Variants in LRP1B observed in about 807,000 individuals in gnomAD.
LRP1B encodes the protein low-density lipoprotein receptor-related protein 1B.
A neutral mutation model predicts 556.6 loss-of-function variants in LRP1B; 217 were observed. The ratio of observed to expected loss-of-function variants is 0.39; its 90% CI spans 0.35 to 0.44. The LOEUF (loss-of-function observed/expected upper bound fraction) is 0.44. LRP1B is among the 20% of genes least tolerant of loss of function. LRP1B has a pLI of 1.00. For synonymous variants in LRP1B, 2,047 were observed against 1,865.8 expected, an observed-to-expected ratio of 1.10 and a Z score of -2.50; for missense variants, 5,053 against 5,620.8, an observed-to-expected ratio of 0.90 and a Z score of 3.23.
intron 2 of LRP1B, among the ~76,000 whole-genome samples, chr2:141,690,469 G>A (rs1303984631): frequency 7.6e-6 from 1 of 132,218 alleles, no homozygotes; most frequent in Non-Finnish European, 1.6e-5. Flanking sequence ...ATTAGTCATG[G>A]AGGACTCTTT....
At chr2:141,493,337 C>G (rs186688283) in intron 2 of LRP1B, among the ~76,000 whole-genome samples, 2 of 152,194 alleles carry the variant, frequency 1.3e-5, no homozygotes, top group East Asian at 3.9e-4. Context: ...ATGGAAGAAT[C>G]TTGAGGAAAA....
chr2:140,623,956 G>GTGTATATATA (rs1339496296), intron 41 of LRP1B, among the ~76,000 whole-genome samples: 3 of 106,436 alleles, frequency 2.8e-5, no homozygotes, highest in African/African-American at 1.0e-4. Flanking sequence ...TTTTATTTAT[G>GTGTATATATA]TATATATATA....
intron 3 of LRP1B, among the ~76,000 whole-genome samples, chr2:141,468,470 C>T (rs1682328526): frequency 6.6e-6 from 1 of 152,128 alleles, no homozygotes. Context: ...TCTATACACA[C>T]AGTCTATATA....
At chr2:142,007,787 A>G (rs1009633955) in intron 1 of LRP1B, among the ~76,000 whole-genome samples, 1 of 152,184 alleles carries the variant, frequency 6.6e-6, no homozygotes, top group South Asian at 2.1e-4. Flanking sequence ...TAGCTTTGCT[A>G]TCAAACAGAC....
At chr2:141,786,736 A>G (rs1191205895) in intron 2 of LRP1B, among the ~76,000 whole-genome samples, 1 of 151,920 alleles carries the variant, frequency 6.6e-6, no homozygotes, top group African/African-American at 2.4e-5. Flanking sequence ...CAAAAAAAGC[A>G]CGGAACCTCT....
At chr2:142,114,320 T>G (rs1228134681) in intron 1 of LRP1B, among the ~76,000 whole-genome samples, 1 of 152,148 alleles carries the variant, frequency 6.6e-6, no homozygotes, top group Non-Finnish European at 1.5e-5. Flanking sequence ...GAAGTAATCA[T>G]AGTAATTCAG....
chr2:141,880,899 C>T (rs1698938073), intron 1 of LRP1B, among the ~76,000 whole-genome samples: 2 of 151,916 alleles, frequency 1.3e-5, no homozygotes, highest in South Asian at 4.1e-4. Flanking sequence ...TCAGGTCAGT[C>T]TGAACAGACT....
At chr2:141,135,588 T>C (rs1005321872) in intron 7 of LRP1B, among the ~76,000 whole-genome samples, 2 of 151,984 alleles carry the variant, frequency 1.3e-5, no homozygotes, top group African/African-American at 4.8e-5. Flanking sequence ...GTTTCCTCAT[T>C]GAGCGATCTA....
chr2:140,566,033 C>A (rs144850346), intron 43 of LRP1B, among the ~76,000 whole-genome samples: 138 of 152,298 alleles, frequency 9.1e-4, no homozygotes, highest in Non-Finnish European at 1.7e-3. Flanking sequence ...TCCCTGTACC[C>A]TGCATGGCTT....
chr2:140,335,527 ACT>A (rs1443930715), intron 78 of LRP1B, 86 bp downstream of exon 78: 5 of 793,864 alleles, frequency 6.3e-6, no homozygotes, highest in Admixed American at 3.8e-5. Context: ...CACATTGAAC[ACT>A]CATTACAGAG....
intron 18 of LRP1B, among the ~76,000 whole-genome samples, chr2:140,953,110 A>G (rs981974075): frequency 6.6e-6 from 1 of 152,162 alleles, no homozygotes; most frequent in South Asian, 2.1e-4. Context: ...TTTGTTTTTG[A>G]TATGGAGTCT....
At chr2:141,274,301 C>A (rs928423731) in intron 3 of LRP1B, among the ~76,000 whole-genome samples, 2 of 152,026 alleles carry the variant, frequency 1.3e-5, no homozygotes, top group African/African-American at 4.8e-5. Flanking sequence ...GGAAACAATT[C>A]AAGAATCTTT....
At chr2:140,340,935 C>T (rs1307863742) in intron 77 of LRP1B, among the ~76,000 whole-genome samples, 1 of 151,258 alleles carries the variant, frequency 6.6e-6, no homozygotes, top group African/African-American at 2.4e-5. Flanking sequence ...ATTTTGCAAC[C>T]AAAAGGAATT....
chr2:141,528,928 C>T (rs571355606), intron 2 of LRP1B, among the ~76,000 whole-genome samples: 6 of 152,266 alleles, frequency 3.9e-5, no homozygotes, highest in South Asian at 4.1e-4. Context: ...ATTCTAACTG[C>T]ATTTTGTTTT....
intron 2 of LRP1B, among the ~76,000 whole-genome samples, chr2:141,773,453 C>G (rs545406175): frequency 2.0e-5 from 3 of 152,328 alleles, no homozygotes; most frequent in Admixed American, 2.0e-4. Flanking sequence ...AGTCAAGAAT[C>G]TTAAAGCTTC....
intron 3 of LRP1B, among the ~76,000 whole-genome samples, chr2:141,472,900 T>C (rs35515069): frequency 0.44 from 66,667 of 151,830 alleles, 14,930 homozygotes; most frequent in Non-Finnish European, 0.49. Context: ...TAATATAATA[T>C]TAACATTCAT....
At chr2:140,989,732 GA>G in intron 16 of LRP1B, 75 bp from the exon 17 acceptor site, 1 of 1,441,788 alleles carries the variant, frequency 6.9e-7, no homozygotes. Flanking sequence ...GATAGTTACA[GA>G]AAAGTTACAG....
chr2:141,419,404 G>T (rs1397098796), intron 3 of LRP1B, among the ~76,000 whole-genome samples: 1 of 152,080 alleles, frequency 6.6e-6, no homozygotes, highest in Non-Finnish European at 1.5e-5. Context: ...AAGCTATCTG[G>T]TTCTGAGATT....
At chr2:141,426,981 C>A (rs149937966) in intron 3 of LRP1B, among the ~76,000 whole-genome samples, 8,165 of 152,208 alleles carry the variant, frequency 0.054, 292 homozygotes, top group South Asian at 0.13. Context: ...ACCCATCAAC[C>A]TGTCATCTAC....
Sources: allele counts gnomAD v4.1 joint callset (sites outside exome capture counted in the v4.1 genomes callset), GRCh38; gene constraint gnomAD v4.1.1; transcripts MANE v1.5; gene names NCBI Gene and HGNC (gene_info 2026-07-23, HGNC 2026-07-21).